EPHA3: variants seen among roughly 807,000 people sequenced by gnomAD.
The protein encoded by EPHA3 is ephrin type-A receptor 3.
In EPHA3, 42 loss-of-function variants were observed where a neutral mutation model predicts 107.1. The observed-to-expected ratio is 0.39, with a 90% confidence interval of 0.31 to 0.51. The LOEUF (loss-of-function observed/expected upper bound fraction) is 0.51. EPHA3 is among the 20% of genes least tolerant of loss of function. The pLI, the probability that EPHA3 is intolerant of heterozygous loss-of-function variation, is 0.78. For synonymous variants in EPHA3, 461 were observed against 424.8 expected (o/e 1.09, Z -1.05); for missense variants, 1,183 against 1,211.2 (o/e 0.98, Z 0.35).
At chr3:89,207,130 A>G (rs1402071979) in intron 2 of EPHA3, among the ~76,000 whole-genome samples, 3 of 152,202 alleles carry the variant, frequency 2.0e-5, no homozygotes, top group Non-Finnish European at 4.4e-5. Flanking sequence ...AAGTTCACAA[A>G]TTGTTTTTTA....
chr3:89,468,110 T>C (rs1710324871), intron 15 of EPHA3, among the ~76,000 whole-genome samples: 1 of 152,194 alleles, frequency 6.6e-6, no homozygotes, highest in African/African-American at 2.4e-5. Context: ...GACAAATTCC[T>C]ATCCATTGAT....
chr3:89,479,085 C>T (rs1236017781), intron 16 of EPHA3, among the ~76,000 whole-genome samples: 2 of 152,112 alleles, frequency 1.3e-5, no homozygotes, highest in Admixed American at 6.5e-5. Flanking sequence ...TATGTACCAC[C>T]CTAATCCAGT....
intron 7 of EPHA3, among the ~76,000 whole-genome samples, chr3:89,407,004 A>G (rs1170582365): frequency 2.6e-5 from 4 of 152,170 alleles, no homozygotes; most frequent in Non-Finnish European, 5.9e-5. Context: ...TGGACAGGAG[A>G]CATTTAAATA....
intron 2 of EPHA3, among the ~76,000 whole-genome samples, chr3:89,165,287 A>T (rs1705037787): frequency 6.6e-6 from 1 of 152,234 alleles, no homozygotes; most frequent in Non-Finnish European, 1.5e-5. Context: ...ACTAATCCTC[A>T]AAAGCAGATC....
In EPHA3 at chr3:89,407,323, C is replaced by T. The variant is rs2107516503; in HGVS notation, c.1649C>T (p.Ala550Val). The change falls in exon 8 of 17, where the codon GCA becomes GTA. Residue 550 changes from alanine (A) to valine (V), a missense_variant. Ala to Val is a moderately conservative substitution (Grantham distance 64). Coordinates refer to ENST00000336596, the MANE Select transcript of EPHA3 (RefSeq NM_005233.6). The part of the protein sequence containing the change: ...SQVVMIAISA[A>V]VAIILLTVVI... ...GTGGTCATGATCGCCATTTCAGCGGCAGTAGCAATTATTCTCCTCACTGTT... is the reference window on the plus strand; with the variant it reads ...GTGGTCATGATCGCCATTTCAGCGGTAGTAGCAATTATTCTCCTCACTGTT... 1 of 1,613,632 alleles carries T rather than the reference C, an allele frequency of 6.2e-7. No homozygotes were observed. Among genetic ancestry groups the T allele is most frequent in the Non-Finnish European group, 8.5e-7 (1 of 1,179,640 alleles).
chr3:89,301,753 C>T lies in EPHA3; in HGVS notation c.815-39163C>T, dbSNP rs184433046. 6.6e-5 allele frequency among the ~76,000 whole-genome samples: 10 copies of T among 152,094 alleles called. No homozygotes were observed. In the East Asian group the frequency reaches 1.9e-3, roughly 29 times the overall value. On this transcript the variant is annotated intron_variant, in intron 3 of 16. Transcript: ENST00000336596. ...AAAATTGCATGAATGGAAATGTATTCTAATTTTTTATTCTCTAGGAAGCTC... is the reference window on the plus strand; with the variant it reads ...AAAATTGCATGAATGGAAATGTATTTTAATTTTTTATTCTCTAGGAAGCTC...
chr3:89,129,295 G>C (rs1449221661), intron 2 of EPHA3, among the ~76,000 whole-genome samples: 1 of 152,014 alleles, frequency 6.6e-6, no homozygotes, highest in East Asian at 1.9e-4. Flanking sequence ...CCTCTTCATT[G>C]CTGTCCTCTG....
intron 15 of EPHA3, among the ~76,000 whole-genome samples, chr3:89,454,004 A>G (rs554012703): frequency 1.7e-4 from 26 of 152,132 alleles, no homozygotes; most frequent in African/African-American, 6.3e-4. Context: ...GATCATTGCC[A>G]CAAACAGATG....
intron 2 of EPHA3, among the ~76,000 whole-genome samples, chr3:89,202,576 ACTTAT>A (rs1706000207): frequency 1.4e-5 from 2 of 147,256 alleles, no homozygotes; most frequent in African/African-American, 2.5e-5. Flanking sequence ...ATTACATTTT[ACTTAT>A]CTTTTTACTA....
intron 3 of EPHA3, among the ~76,000 whole-genome samples, chr3:89,296,284 A>G (rs1311902121): frequency 6.6e-6 from 1 of 152,196 alleles, no homozygotes; most frequent in Admixed American, 6.5e-5. Context: ...AGGAATCACT[A>G]TTTATAGCAT....
chr3:89,204,832 T>C lies in EPHA3; in HGVS notation c.154-5028T>C, dbSNP rs887664964. On this transcript the variant is annotated intron_variant, in intron 2 of 16. Coordinates refer to ENST00000336596, the MANE Select transcript of EPHA3 (RefSeq NM_005233.6). ...GACGAAGACTGGATTTTGAAATGGC[T>C]ATGAGTGTACAAGGGGAAATAAACA... Among the ~76,000 whole-genome samples, 30 of 152,128 alleles carry C rather than the reference T, an allele frequency of 2.0e-4. 1 individual carries two copies. The highest frequency in any genetic ancestry group is 7.2e-4 in the African/African-American group (30 of 41,422).
intron 3 of EPHA3, among the ~76,000 whole-genome samples, chr3:89,273,802 A>G (rs1185476400): frequency 6.6e-6 from 1 of 151,926 alleles, no homozygotes; most frequent in Admixed American, 6.6e-5. Flanking sequence ...AATAGCATGC[A>G]ACTACTGCCA....
chr3:89,338,921 A>G (rs1056849964), intron 3 of EPHA3, among the ~76,000 whole-genome samples: 2 of 152,018 alleles, frequency 1.3e-5, no homozygotes, highest in Middle Eastern at 6.3e-3. Context: ...CAAATTATCA[A>G]GATTATTGAT....
intron 5 of EPHA3, among the ~76,000 whole-genome samples, chr3:89,383,748 A>G (rs146184518): frequency 0.017 from 2,365 of 142,076 alleles, 66 homozygotes; most frequent in African/African-American, 0.059. Flanking sequence ...TCCCGGGTTC[A>G]CGTCATTCTC....
chr3:89,434,933 T>C (rs954296552), intron 13 of EPHA3, among the ~76,000 whole-genome samples: 1 of 152,200 alleles, frequency 6.6e-6, no homozygotes, highest in Non-Finnish European at 1.5e-5. Context: ...AGTCCTGGCT[T>C]TCTTCCGAGA....
chr3:89,409,334 C>T (rs1477537604), intron 9 of EPHA3, among the ~76,000 whole-genome samples: 1 of 151,970 alleles, frequency 6.6e-6, no homozygotes, highest in Admixed American at 6.6e-5. Context: ...ACTAGTGTTA[C>T]AATTTTTATG....
chr3:89,412,347 G>A (rs1230216049), intron 9 of EPHA3, among the ~76,000 whole-genome samples: 1 of 151,572 alleles, frequency 6.6e-6, no homozygotes, highest in African/African-American at 2.4e-5. Flanking sequence ...TAATATGAAG[G>A]AGATTTTTAT....
intron 3 of EPHA3, among the ~76,000 whole-genome samples, chr3:89,228,146 T>C (rs756633536): frequency 2.6e-5 from 4 of 151,924 alleles, no homozygotes; most frequent in Non-Finnish European, 5.9e-5. Context: ...CCAGATAAAA[T>C]GCCTACTCAG....
intron 3 of EPHA3, among the ~76,000 whole-genome samples, chr3:89,332,907 A>G (rs1223200635): frequency 6.6e-6 from 1 of 151,888 alleles, no homozygotes; most frequent in Non-Finnish European, 1.5e-5. Flanking sequence ...AATTAGGACC[A>G]TGTTTCTTCT....
Sources: gnomAD v4.1 joint callset for allele counts (sites outside exome capture counted in the v4.1 genomes callset) on GRCh38, gnomAD v4.1.1 for gene constraint, MANE v1.5 for transcripts, NCBI Gene and HGNC (gene_info 2026-07-23, HGNC 2026-07-21) for gene names.